Variants in DLGAP1 observed in about 807,000 individuals in gnomAD.
DLGAP1 encodes the protein DLG associated protein 1, also known as disks large-associated protein 1.
In DLGAP1, 11 loss-of-function variants were observed where a neutral mutation model predicts 90.8. The observed-to-expected ratio is 0.12, with a 90% CI of 0.08 to 0.20. The LOEUF is 0.20. Ranked by LOEUF, DLGAP1 falls within the 10% of genes least tolerant of loss-of-function variation. The pLI, the probability that DLGAP1 is intolerant of heterozygous loss-of-function variation, is 1.00. For synonymous variants in DLGAP1, 558 were observed against 540.7 expected, an observed-to-expected ratio of 1.03 and a Z score of -0.44; for missense variants, 1,050 against 1,333.8, an observed-to-expected ratio of 0.79 and a Z score of 3.31.
At chr18:4,375,834 G>A (rs2082002797) in intron 1 of DLGAP1, among the ~76,000 whole-genome samples, 1 of 152,108 alleles carries the variant, frequency 6.6e-6, no homozygotes, top group African/African-American at 2.4e-5. Context: ...TTCAAACAGA[G>A]TACATCCTTA....
chr18:3,809,073 A>G (rs572977147), intron 5 of DLGAP1, among the ~76,000 whole-genome samples: 56 of 152,286 alleles, frequency 3.7e-4, no homozygotes, highest in African/African-American at 1.2e-3. Flanking sequence ...TTTCCTGTAG[A>G]CTAAGGATAG....
chr18:3,646,507 G>C (rs1439586131), intron 7 of DLGAP1, among the ~76,000 whole-genome samples: 2 of 152,200 alleles, frequency 1.3e-5, no homozygotes, highest in African/African-American at 4.8e-5. Flanking sequence ...CATTTTTCTT[G>C]AGTGGTTTTG....
intron 5 of DLGAP1, among the ~76,000 whole-genome samples, chr18:3,786,857 G>A (rs961058849): frequency 3.3e-5 from 5 of 152,102 alleles, no homozygotes; most frequent in African/African-American, 7.2e-5. Flanking sequence ...TATTAATGAC[G>A]AACTCTGGCT....
intron 5 of DLGAP1, among the ~76,000 whole-genome samples, chr18:3,756,803 G>GT (rs1313536519): frequency 6.6e-6 from 1 of 152,002 alleles, no homozygotes; most frequent in Non-Finnish European, 1.5e-5. Context: ...TAAAAAGATT[G>GT]TAAGAGAATA....
chr18:3,648,906 A>G (rs1381428685), intron 7 of DLGAP1, among the ~76,000 whole-genome samples: 1 of 152,160 alleles, frequency 6.6e-6, no homozygotes, highest in Admixed American at 6.6e-5. Context: ...GGTGAAGGGT[A>G]GGTTATGGTG....
intron 1 of DLGAP1, among the ~76,000 whole-genome samples, chr18:4,211,709 T>C (rs995973247): frequency 1.3e-5 from 2 of 151,992 alleles, no homozygotes; most frequent in African/African-American, 2.4e-5. Context: ...AGAGAAACAA[T>C]GGTCAGCATT....
At chr18:4,062,371 T>C (rs573172034) in intron 2 of DLGAP1, among the ~76,000 whole-genome samples, 1 of 142,454 alleles carries the variant, frequency 7.0e-6, no homozygotes, top group East Asian at 2.1e-4. Context: ...AAAACTGGCC[T>C]CATACCTCAT....
intron 2 of DLGAP1, among the ~76,000 whole-genome samples, chr18:4,010,075 C>G (rs1446643941): frequency 6.6e-6 from 1 of 152,206 alleles, no homozygotes; most frequent in Non-Finnish European, 1.5e-5. Flanking sequence ...TTTCTTGTAA[C>G]AGACTCTACC....
At position 3,526,060 on chromosome 18, in the gene DLGAP1, GTCACTAATT is replaced by G. The variant is rs2051597583; in HGVS notation, c.2479+8125_2479+8133del. On this transcript the variant is annotated intron_variant, in intron 10 of 12. Coordinates refer to ENST00000315677, the MANE Select transcript of DLGAP1 (RefSeq NM_004746.4). The surrounding 1 kb of genome is among the most constrained non-coding windows in gnomAD (Gnocchi z 4.7). ...TTTCATTACTGCCACTTCCTCTGCG[GTCACTAATT>G]TCAGGTTGTCTGGAGCTTACAAAAA... Among the ~76,000 whole-genome samples, 1 of 152,224 alleles carries G rather than the reference GTCACTAATT, an allele frequency of 6.6e-6. No individual in the cohort carries two copies. Among genetic ancestry groups the G allele is most frequent in the Non-Finnish European group, 1.5e-5 (1 of 68,034 alleles).
chr18:3,907,853 A>T (rs2071945156), intron 3 of DLGAP1, among the ~76,000 whole-genome samples: 1 of 152,208 alleles, frequency 6.6e-6, no homozygotes, highest in Non-Finnish European at 1.5e-5. Context: ...CCCATTCAGG[A>T]TGCTCAGTGA....
chr18:4,010,163 A>G (rs1350788877), intron 2 of DLGAP1, among the ~76,000 whole-genome samples: 1 of 152,196 alleles, frequency 6.6e-6, no homozygotes, highest in Non-Finnish European at 1.5e-5. Context: ...GATGATTCTT[A>G]ATCTGATGTT....
intron 1 of DLGAP1, among the ~76,000 whole-genome samples, chr18:4,314,068 T>C (rs116886253): frequency 0.023 from 3,471 of 152,286 alleles, 61 homozygotes; most frequent in Non-Finnish European, 0.035. Context: ...GGCATCTTTG[T>C]GAGCTAAAGA....
chr18:4,257,663 C>G (rs376814996), intron 1 of DLGAP1, among the ~76,000 whole-genome samples: 1 of 148,798 alleles, frequency 6.7e-6, no homozygotes, highest in East Asian at 2.0e-4. Flanking sequence ...GTCGCTCTGT[C>G]GCCCAGGCTG....
chr18:3,827,600 T>C (rs1461218968), intron 4 of DLGAP1, among the ~76,000 whole-genome samples: 1 of 152,210 alleles, frequency 6.6e-6, no homozygotes, highest in Non-Finnish European at 1.5e-5. Flanking sequence ...TCTTTTTCTC[T>C]CTCTCTCTAC....
chr18:3,866,021 G>A (rs2070360031), intron 4 of DLGAP1, among the ~76,000 whole-genome samples: 1 of 152,180 alleles, frequency 6.6e-6, no homozygotes, highest in African/African-American at 2.4e-5. Context: ...GGGCCTGTGT[G>A]TTCCTAAAAA....
chr18:4,288,027 C>T (rs1456719183), intron 1 of DLGAP1, among the ~76,000 whole-genome samples: 1 of 150,610 alleles, frequency 6.6e-6, no homozygotes, highest in Non-Finnish European at 1.5e-5. Flanking sequence ...AAGACAGAAA[C>T]TGAGTCAGGT....
intron 3 of DLGAP1, chr18:3,995,511 C>T (rs1221858818): frequency 6.6e-6 from 1 of 152,106 alleles, no homozygotes; most frequent in Non-Finnish European, 1.5e-5. Flanking sequence ...AGGGTTTGAA[C>T]AAAGCGTCTC....
At chr18:3,539,780 C>A (rs1170946949) in intron 9 of DLGAP1, among the ~76,000 whole-genome samples, 1 of 152,302 alleles carries the variant, frequency 6.6e-6, no homozygotes, top group Admixed American at 6.5e-5. Context: ...TTTGGAACTA[C>A]AAGACACTCA....
rs192054230 is a variant in DLGAP1, at chr18:4,233,456, A to T, written c.-266-82169T>A. On this transcript the variant is annotated intron_variant, in intron 1 of 12. Transcript: ENST00000315677. ...GCTGGAGTTATGGATTTAGGGGGAG[A>T]TTACCTCAGAGGTGAGGTGCCTTCT... Among the ~76,000 whole-genome samples, 54 of 152,272 alleles carry T rather than the reference A, an allele frequency of 3.5e-4. No individual in the cohort carries two copies. The East Asian group carries it at 6.9e-3, about 20-fold the overall frequency.
Sources: allele counts gnomAD v4.1 joint callset (sites outside exome capture counted in the v4.1 genomes callset), GRCh38; gene constraint gnomAD v4.1.1; non-coding constraint Gnocchi (gnomAD v3.1); transcripts MANE v1.5; gene names NCBI Gene and HGNC (gene_info 2026-07-23, HGNC 2026-07-21).